The following GAB1 variants were observed in gnomAD, a reference collection of about 807,000 sequenced individuals.
GAB1 encodes the protein GRB2 associated binding protein 1.
GAB1 carries 19 observed loss-of-function variants against 66.5 expected under a neutral mutation model. The observed-to-expected ratio is 0.29, with a 90% confidence interval of 0.20 to 0.42. The LOEUF (loss-of-function observed/expected upper bound fraction) is 0.42, where lower values mean the gene tolerates loss of function less well. Ranked by LOEUF, GAB1 falls within the 10% of genes least tolerant of loss-of-function variation. The pLI is 1.00. For missense variants in GAB1, 732 were observed against 858.5 expected, an observed-to-expected ratio of 0.85 and a Z score of 1.84; for synonymous variants, 294 against 301.4, an observed-to-expected ratio of 0.98 and a Z score of 0.25.
intron 1 of GAB1, among the ~76,000 whole-genome samples, chr4:143,404,374 C>A (rs182974335): frequency 7.2e-4 from 110 of 152,278 alleles, no homozygotes; most frequent in African/African-American, 2.3e-3. Flanking sequence ...GTTTGTGGAA[C>A]ACAGTGAAAC....
intron 6 of GAB1, among the ~76,000 whole-genome samples, chr4:143,446,396 T>C (rs1734534650): frequency 6.6e-6 from 1 of 152,142 alleles, no homozygotes; most frequent in Non-Finnish European, 1.5e-5. Flanking sequence ...TTGAACTAGT[T>C]TACAGTCCCA....
chr4:143,432,070 C>G (rs969808836), intron 2 of GAB1, among the ~76,000 whole-genome samples: 3 of 152,186 alleles, frequency 2.0e-5, no homozygotes, highest in African/African-American at 7.2e-5. Context: ...GGGGAAGAAC[C>G]TGTCATATGC....
chr4:143,435,973 C>G (rs1265864760), intron 3 of GAB1, among the ~76,000 whole-genome samples: 1 of 152,194 alleles, frequency 6.6e-6, no homozygotes, highest in Non-Finnish European at 1.5e-5. Context: ...TTTACTTACT[C>G]TTCACTAACT....
rs143402113 is a variant in GAB1, at chr4:143,442,168, G to A, written c.1585+1786G>A. ...GGTTCATACAGATCACTGAAGGATT[G>A]AGATATAAGTGTCATGAACTCTTTG... On this transcript the variant is annotated intron_variant, in intron 6 of 9. Coordinates refer to ENST00000262994, the MANE Select transcript of GAB1 (RefSeq NM_002039.4). Among the ~76,000 whole-genome samples, 8 of 152,324 alleles carry A rather than the reference G, an allele frequency of 5.3e-5. No individual in the cohort carries two copies. In the East Asian group the frequency reaches 1.5e-3, roughly 29 times the overall value.
rs1187716822 is a variant in GAB1 at position 143,469,858 on chromosome 4, G to C, written c.*669G>C. 1 of 152,582 alleles carries C rather than the reference G, an allele frequency of 6.6e-6. No individual in the cohort carries two copies. The highest frequency in any genetic ancestry group is 2.1e-4 in the South Asian group (1 of 4,824). 9.5% of individuals were successfully genotyped at this position (152,582 alleles called of 1,614,324 possible). A position where few individuals can be genotyped will look rare whatever the true frequency, so the allele number is the denominator to read the frequency against. On this transcript the variant is annotated 3_prime_UTR_variant, in exon 10 of 10. Coordinates refer to ENST00000262994, the MANE Select transcript of GAB1 (RefSeq NM_002039.4). ...GGTTCATTGAGTGAAGATTCTGCCG[G>C]GTGGGATCTTGCACCTTTGAAAGAC... is the stretch of plus-strand genomic sequence containing the variant.
chr4:143,343,955 G>A (rs1303124296), intron 1 of GAB1, among the ~76,000 whole-genome samples: 1 of 152,192 alleles, frequency 6.6e-6, no homozygotes, highest in East Asian at 1.9e-4. Context: ...GGGTTCCTGA[G>A]CACAAGTGAA....
chr4:143,393,595 A>G (rs1023155706), intron 1 of GAB1, among the ~76,000 whole-genome samples: 6 of 152,228 alleles, frequency 3.9e-5, no homozygotes, highest in African/African-American at 1.4e-4. Context: ...ATAAATGTTA[A>G]TAATTGTTAT....
At chr4:143,343,242 AT>A (rs60495331) in intron 1 of GAB1, among the ~76,000 whole-genome samples, 3,143 of 152,282 alleles carry the variant, frequency 0.021, 109 homozygotes, top group African/African-American at 0.072. Flanking sequence ...GAAGGGACAA[AT>A]GGGGAGCTCT....
At chr4:143,376,265 C>T (rs145419977) in intron 1 of GAB1, among the ~76,000 whole-genome samples, 5 of 152,300 alleles carry the variant, frequency 3.3e-5, no homozygotes, top group African/African-American at 4.8e-5. Flanking sequence ...AGTTTGCTTA[C>T]AGATCATGAA....
chr4:143,380,181 A>G (rs1477419223), intron 1 of GAB1, among the ~76,000 whole-genome samples: 1 of 151,838 alleles, frequency 6.6e-6, no homozygotes, highest in East Asian at 1.9e-4. Flanking sequence ...ATAAAATGAG[A>G]ATATTGAATC....
At chr4:143,372,640 A>C (rs909703544) in intron 1 of GAB1, among the ~76,000 whole-genome samples, 1 of 152,176 alleles carries the variant, frequency 6.6e-6, no homozygotes, top group Non-Finnish European at 1.5e-5. Context: ...ATTTGAATCA[A>C]ATGGCCATGT....
intron 2 of GAB1, among the ~76,000 whole-genome samples, chr4:143,417,732 G>A (rs1732770463): frequency 6.6e-6 from 1 of 152,088 alleles, no homozygotes; most frequent in Non-Finnish European, 1.5e-5. Context: ...ATAGCTGGCT[G>A]ACCACTTCTT....
chr4:143,433,276 A>AAC (rs1733769136), intron 2 of GAB1, among the ~76,000 whole-genome samples: 1 of 152,176 alleles, frequency 6.6e-6, no homozygotes, highest in Non-Finnish European at 1.5e-5. Context: ...GAGGATCTGG[A>AAC]ATATATATAG....
At chr4:143,457,889 TTCCTGCACATTATTTC>T in intron 6 of GAB1, 1 of 600,068 alleles carries the variant, frequency 1.7e-6, no homozygotes, top group East Asian at 3.4e-5. Context: ...AAATAAAACT[TTCCTGCACATTATTTC>T]TAAAGTGAAT....
At chr4:143,457,841 TAAAAATAAAGAAG>T in intron 6 of GAB1, 1 of 831,584 alleles carries the variant, frequency 1.2e-6, no homozygotes, top group South Asian at 1.8e-5. Context: ...GTTTTTTTTC[TAAAAATAAAGAAG>T]AACCTTAAAT....
chr4:143,416,671 G>A (rs1434831520), intron 2 of GAB1, among the ~76,000 whole-genome samples: 1 of 152,054 alleles, frequency 6.6e-6, no homozygotes, highest in East Asian at 1.9e-4. Flanking sequence ...CTACCCAGGA[G>A]GCTGAGGCAG....
At chr4:143,373,049 A>G (rs1730209369) in intron 1 of GAB1, among the ~76,000 whole-genome samples, 2 of 58,824 alleles carry the variant, frequency 3.4e-5, no homozygotes, top group Admixed American at 3.2e-4. Flanking sequence ...TTAAAAACAC[A>G]CACACACACA....
In GAB1 at chr4:143,449,389, G is replaced by A. The variant is rs1293112453; in HGVS notation, c.1585+9007G>A. Among the ~76,000 whole-genome samples, 566 of 151,550 alleles carry A rather than the reference G, an allele frequency of 3.7e-3. 3 individuals carry two copies. The highest frequency in any genetic ancestry group is 0.013 in the African/African-American group (533 of 40,948). ...TGATCTGTCTAATGTTGACAGTGGAGTGTTAAAGTCTCCCATTATTATTGT... is the reference window on the plus strand; with the variant it reads ...TGATCTGTCTAATGTTGACAGTGGAATGTTAAAGTCTCCCATTATTATTGT... On this transcript the variant is annotated intron_variant, in intron 6 of 9. Coordinates refer to ENST00000262994, the MANE Select transcript of GAB1 (RefSeq NM_002039.4).
intron 4 of GAB1, among the ~76,000 whole-genome samples, chr4:143,438,962 G>A (rs1187607314): frequency 1.3e-5 from 2 of 152,104 alleles, no homozygotes; most frequent in African/African-American, 2.4e-5. Flanking sequence ...CTGTATTTGT[G>A]TGCCATTATG....
Sources: allele counts gnomAD v4.1 joint callset (sites outside exome capture counted in the v4.1 genomes callset), GRCh38; gene constraint gnomAD v4.1.1; transcripts MANE v1.5; gene names NCBI Gene and HGNC (gene_info 2026-07-23, HGNC 2026-07-21).